Variants in ERBIN observed in about 807,000 individuals in gnomAD.
ERBIN encodes erbb2 interacting protein, also known as densin-180-like protein.
ERBIN carries 60 observed loss-of-function variants against 158.4 expected under a neutral mutation model. The observed-to-expected ratio is 0.38, with a 90% CI of 0.31 to 0.47. The LOEUF (loss-of-function observed/expected upper bound fraction) is 0.47. ERBIN is among the 20% of genes least tolerant of loss of function. The probability of loss-of-function intolerance (pLI) is 0.99; values close to 1 mark genes in which losing one functional copy is unlikely to be tolerated. For synonymous variants in ERBIN, 594 were observed against 557.2 expected, an observed-to-expected ratio of 1.07 and a Z score of -0.93; for missense variants, 1,610 against 1,648.0, an observed-to-expected ratio of 0.98 and a Z score of 0.40.
chr5:66,015,102 G>C (rs898024088), intron 7 of ERBIN, among the ~76,000 whole-genome samples: 2 of 152,118 alleles, frequency 1.3e-5, no homozygotes, highest in African/African-American at 2.4e-5. Context: ...GTGAAGCCTG[G>C]TAACGGTAGA....
chr5:66,038,570 C>A, intron 15 of ERBIN, 88 bp downstream of exon 15: 1 of 946,028 alleles, frequency 1.1e-6, no homozygotes, highest in Non-Finnish European at 1.6e-6. Flanking sequence ...AGACTTTTAC[C>A]AGTTTGATGG....
At chr5:66,029,608 T>C (rs1756637550) in intron 14 of ERBIN, among the ~76,000 whole-genome samples, 3 of 152,274 alleles carry the variant, frequency 2.0e-5, no homozygotes, top group Middle Eastern at 3.4e-3. Context: ...TCTTGTCCTG[T>C]CCTTTTCTTT....
chr5:66,004,049 C>G (rs967007406), intron 4 of ERBIN, among the ~76,000 whole-genome samples: 1 of 150,846 alleles, frequency 6.6e-6, no homozygotes, highest in African/African-American at 2.4e-5. Context: ...GGGAGGCTTC[C>G]CCCTCATCCT....
rs1742678740 is a variant in ERBIN at position 65,926,610 on chromosome 5, A to G, written c.-254A>G. On this transcript the variant is annotated 5_prime_UTR_variant, in exon 1 of 26. Coordinates refer to ENST00000284037, the MANE Select transcript of ERBIN (RefSeq NM_001253697.2). ...CTCGTTGGGGCTGGGAAACTCCTGC[A>G]AAACTCGAGACCAGGAAGCCAGCCC... 1 of 150,978 alleles carries G rather than the reference A, an allele frequency of 6.6e-6. No homozygotes were observed. The highest frequency in any genetic ancestry group is 1.9e-4 in the East Asian group (1 of 5,150). 9.4% of individuals were successfully genotyped at this position (150,978 alleles called of 1,614,324 possible). A position where few individuals can be genotyped will look rare whatever the true frequency, so the allele number is the denominator to read the frequency against.
intron 7 of ERBIN, among the ~76,000 whole-genome samples, chr5:66,020,022 C>T (rs1015251002): frequency 6.6e-6 from 1 of 152,048 alleles, no homozygotes; most frequent in African/African-American, 2.4e-5. Context: ...AGCAACCTTT[C>T]GCTTGTTAAT....
chr5:65,945,300 T>C (rs1418331855), intron 1 of ERBIN, among the ~76,000 whole-genome samples: 4 of 152,256 alleles, frequency 2.6e-5, no homozygotes, highest in Admixed American at 6.5e-5. Context: ...CAAAGAATGT[T>C]GGAATATTCC....
intron 1 of ERBIN, among the ~76,000 whole-genome samples, chr5:65,954,285 G>A (rs1049667147): frequency 1.3e-5 from 2 of 152,300 alleles, no homozygotes; most frequent in South Asian, 2.1e-4. Context: ...CTGCAACTCC[G>A]GTTTCAGAGG....
chr5:65,932,029 G>A (rs556076795), intron 1 of ERBIN, among the ~76,000 whole-genome samples: 19 of 152,010 alleles, frequency 1.2e-4, no homozygotes, highest in Admixed American at 4.6e-4. Context: ...CGTTGGTCAG[G>A]CTGGTCTTGA....
rs1397546195 is a variant in ERBIN, at chr5:65,951,477, C to G, written c.-58+24671C>G. On this transcript the variant is annotated intron_variant, in intron 1 of 25. Coordinates refer to ENST00000284037, the MANE Select transcript of ERBIN (RefSeq NM_001253697.2). ...GGCCTTGATACGTTCAGTTAAATAACTTCTGTAATTTTGAAGTTGGAAATG... is the reference window on the plus strand; with the variant it reads ...GGCCTTGATACGTTCAGTTAAATAAGTTCTGTAATTTTGAAGTTGGAAATG... Among the ~76,000 whole-genome samples the G allele has an allele frequency of 5.3e-5, 8 of 152,266 alleles. No individual in the cohort carries two copies. In the East Asian group the frequency reaches 9.6e-4, roughly 18 times the overall value.
Position 65,999,258 on chromosome 5 carries a change from C to T in ERBIN, c.307+4394C>T, listed in dbSNP as rs7731113. On this transcript the variant is annotated intron_variant, in intron 4 of 25. Coordinates refer to ENST00000284037, the MANE Select transcript of ERBIN (RefSeq NM_001253697.2). The stretch of plus-strand genomic sequence containing the variant: ...GTGGACGCCTATAATCCCAGCTACT[C>T]GGGAGTCTGAGGCAGGAGAATTGCT... 8.0e-3 allele frequency among the ~76,000 whole-genome samples: 1,216 copies of T among 152,080 alleles called. 7 individuals are homozygous for T. The highest frequency in any genetic ancestry group is 0.034 in the Middle Eastern group (10 of 294).
rs35233166 is a variant in ERBIN, at chr5:65,988,931, C to T, written c.-10+249C>T. The stretch of plus-strand genomic sequence containing the variant: ...CTGGGAGATCGAGGCTGCAGTGAGC[C>T]AAGATCGCACCACTGCACTCCAGCC... On this transcript the variant is annotated intron_variant, in intron 2 of 25. Transcript: ENST00000284037. 6.8e-3 allele frequency among the ~76,000 whole-genome samples: 932 copies of T among 137,172 alleles called. 9 individuals carry two copies. The highest frequency in any genetic ancestry group is 0.017 in the Admixed American group (214 of 12,298). 90.0% of individuals were successfully genotyped at this position (137,172 alleles called of 152,430 possible).
intron 1 of ERBIN, among the ~76,000 whole-genome samples, chr5:65,987,369 C>CACACACACACACACACAG (rs1751357637): frequency 6.7e-6 from 1 of 149,538 alleles, no homozygotes; most frequent in Non-Finnish European, 1.5e-5. Flanking sequence ...AGACTGTCTA[C>CACACACACACACACACAG]ACACACACAC....
chr5:66,007,627 G>A (rs1753755039), intron 4 of ERBIN, among the ~76,000 whole-genome samples: 1 of 151,952 alleles, frequency 6.6e-6, no homozygotes, highest in African/African-American at 2.4e-5. Flanking sequence ...AAGCTACTGA[G>A]AAGGAACACT....
rs1202766265 is a variant in ERBIN, at chr5:66,059,941, A to T, written c.3633+4990A>T. On this transcript the variant is annotated intron_variant, in intron 21 of 25. Transcript: ENST00000284037. ...GATGTGTTGCTGGATTCAGTTTGCCAGTATTTTATTGAGGATTTTTGCATC... is the reference window on the plus strand; with the variant it reads ...GATGTGTTGCTGGATTCAGTTTGCCTGTATTTTATTGAGGATTTTTGCATC... Among the ~76,000 whole-genome samples the T allele has an allele frequency of 3.9e-5, 6 of 152,294 alleles. No individual in the cohort carries two copies. The East Asian group carries it at 1.2e-3, about 29-fold the overall frequency.
At position 65,984,495 on chromosome 5, in the gene ERBIN, C is replaced by A. The variant is rs148117805; in HGVS notation, c.-57-4140C>A. On this transcript the variant is annotated intron_variant, in intron 1 of 25. Transcript: ENST00000284037. Reference sequence around the variant, plus strand: ...CCATACCCACCAGGCTTCATGCCCACCCAGGCCTCTGGCACCCTCAGTGCA... The same window carrying A: ...CCATACCCACCAGGCTTCATGCCCAACCAGGCCTCTGGCACCCTCAGTGCA... Among the ~76,000 whole-genome samples, 949 of 152,352 alleles carry A rather than the reference C, an allele frequency of 6.2e-3. 12 individuals are homozygous for A. Among genetic ancestry groups the A allele is most frequent in the African/African-American group, 0.022 (909 of 41,580 alleles).
chr5:66,063,462 G>C (rs1311576765), intron 21 of ERBIN, among the ~76,000 whole-genome samples: 4 of 152,156 alleles, frequency 2.6e-5, no homozygotes, highest in African/African-American at 9.7e-5. Flanking sequence ...ACTAGGAAAG[G>C]GAATTCCTTG....
At chr5:66,072,317 A>G in intron 22 of ERBIN, 26 bp downstream of exon 22, 2 of 1,548,886 alleles carry the variant, frequency 1.3e-6, no homozygotes, top group African/African-American at 2.7e-5. Context: ...AACAAAATGT[A>G]GTATCTGTGA....
intron 1 of ERBIN, among the ~76,000 whole-genome samples, chr5:65,978,670 G>T (rs910286318): frequency 8.5e-5 from 13 of 152,204 alleles, no homozygotes; most frequent in African/African-American, 2.9e-4. Flanking sequence ...CAAGAATTAG[G>T]ATCCTTGAAT....
Position 65,952,333 on chromosome 5 carries a change from T to A in ERBIN, c.-58+25527T>A, listed in dbSNP as rs568043662. Among the ~76,000 whole-genome samples, 25 of 152,258 alleles carry A rather than the reference T, an allele frequency of 1.6e-4. No individual in the cohort carries two copies. In the South Asian group the frequency reaches 5.2e-3, roughly 32 times the overall value. On this transcript the variant is annotated intron_variant, in intron 1 of 25. Coordinates refer to ENST00000284037, the MANE Select transcript of ERBIN (RefSeq NM_001253697.2). ...TGGAATAACAGGTTAAATACTGTAT[T>A]ATACTTCTAAAATTTTTATTTTTAT...
Sources: allele counts gnomAD v4.1 joint callset (sites outside exome capture counted in the v4.1 genomes callset), GRCh38; gene constraint gnomAD v4.1.1; transcripts MANE v1.5; gene names NCBI Gene and HGNC (gene_info 2026-07-23, HGNC 2026-07-21).